GOLIM4: variants seen among roughly 807,000 people sequenced by gnomAD.
The protein encoded by GOLIM4 is golgi integral membrane protein 4.
A neutral mutation model predicts 107.4 loss-of-function variants in GOLIM4; 71 were observed. The observed-to-expected ratio is 0.66, with a 90% confidence interval of 0.55 to 0.81. The LOEUF is 0.81. GOLIM4 is among the 30% of genes least tolerant of loss of function. The pLI is 0.00. For missense variants in GOLIM4, 830 were observed against 826.1 expected, an observed-to-expected ratio of 1.00 and a Z score of -0.06; for synonymous variants, 327 against 294.8, an observed-to-expected ratio of 1.11 and a Z score of -1.12.
At chr3:168,030,362 C>G (rs1348079345) in intron 9 of GOLIM4, among the ~76,000 whole-genome samples, 1 of 152,004 alleles carries the variant, frequency 6.6e-6, no homozygotes, top group Non-Finnish European at 1.5e-5. Context: ...CTGATATAAA[C>G]AAGTAGTTGG....
intron 1 of GOLIM4, among the ~76,000 whole-genome samples, chr3:168,074,734 A>G (rs1161928619): frequency 1.3e-5 from 2 of 152,226 alleles, no homozygotes; most frequent in African/African-American, 4.8e-5. Flanking sequence ...TATAGCTGTC[A>G]TATCTAGTAA....
At chr3:168,066,864 A>G (rs1164471534) in intron 1 of GOLIM4, among the ~76,000 whole-genome samples, 1 of 152,118 alleles carries the variant, frequency 6.6e-6, no homozygotes, top group African/African-American at 2.4e-5. Flanking sequence ...GTGATTTAGT[A>G]TGGTCTTCTT....
At chr3:168,024,483 G>A (rs780228616) in intron 14 of GOLIM4, 43 bp downstream of exon 14, 3 of 1,307,530 alleles carry the variant, frequency 2.3e-6, no homozygotes, top group Non-Finnish European at 3.3e-6. Context: ...TAGTGTGTGT[G>A]ACAGACCAAT....
At chr3:168,073,724 T>C (rs933985259) in intron 1 of GOLIM4, among the ~76,000 whole-genome samples, 2 of 152,212 alleles carry the variant, frequency 1.3e-5, no homozygotes, top group Non-Finnish European at 2.9e-5. Flanking sequence ...TCTGCTTATA[T>C]AGGGTATTTT....
chr3:168,019,050 A>G (rs1331348227), intron 14 of GOLIM4, among the ~76,000 whole-genome samples: 1 of 152,112 alleles, frequency 6.6e-6, no homozygotes, highest in Non-Finnish European at 1.5e-5. Context: ...TTGTGTTCCA[A>G]TAAAACTTTA....
intron 1 of GOLIM4, among the ~76,000 whole-genome samples, chr3:168,089,307 T>C (rs1721780573): frequency 6.6e-6 from 1 of 152,168 alleles, no homozygotes; most frequent in South Asian, 2.1e-4. Flanking sequence ...ATGTTTTAAG[T>C]TCTAACGCTG....
chr3:168,039,406 G>A (rs1021171329), intron 7 of GOLIM4, among the ~76,000 whole-genome samples: 5 of 151,770 alleles, frequency 3.3e-5, no homozygotes, highest in Non-Finnish European at 5.9e-5. Flanking sequence ...TGGGATTACA[G>A]GTGCACACCA....
chr3:168,019,740 G>A (rs1717579891), intron 14 of GOLIM4, among the ~76,000 whole-genome samples: 1 of 152,162 alleles, frequency 6.6e-6, no homozygotes, highest in South Asian at 2.1e-4. Flanking sequence ...GGGTATTTCA[G>A]AGGTGATGGT....
intron 8 of GOLIM4, among the ~76,000 whole-genome samples, chr3:168,033,819 T>C (rs1718486128): frequency 6.6e-6 from 1 of 152,114 alleles, no homozygotes; most frequent in Non-Finnish European, 1.5e-5. Flanking sequence ...GAAATGGCTT[T>C]TTCAGAATAA....
chr3:168,072,904 T>G (rs1016165355), intron 1 of GOLIM4, among the ~76,000 whole-genome samples: 1 of 152,216 alleles, frequency 6.6e-6, no homozygotes, highest in African/African-American at 2.4e-5. Flanking sequence ...GATGATCATA[T>G]GTAATGAAAC....
chr3:168,054,649 T>C (rs1353593762), intron 1 of GOLIM4, among the ~76,000 whole-genome samples: 1 of 151,602 alleles, frequency 6.6e-6, no homozygotes, highest in Non-Finnish European at 1.5e-5. Context: ...TAATTTTTAT[T>C]ACTGTTATAA....
At chr3:168,080,060 A>G (rs1023827973) in intron 1 of GOLIM4, among the ~76,000 whole-genome samples, 2 of 152,182 alleles carry the variant, frequency 1.3e-5, no homozygotes, top group African/African-American at 4.8e-5. Flanking sequence ...CGTAAAAATG[A>G]GGAAAAACTA....
At chr3:168,036,367 C>A (rs539131462) in intron 8 of GOLIM4, among the ~76,000 whole-genome samples, 1 of 152,032 alleles carries the variant, frequency 6.6e-6, no homozygotes, top group Non-Finnish European at 1.5e-5. Flanking sequence ...ATAGCGAAAC[C>A]CTGTCTCTAC....
intron 1 of GOLIM4, among the ~76,000 whole-genome samples, chr3:168,094,159 T>C (rs1363260186): frequency 6.6e-6 from 1 of 152,192 alleles, no homozygotes; most frequent in Non-Finnish European, 1.5e-5. Flanking sequence ...CAAGAGGACA[T>C]GGTGCTGACT....
chr3:168,026,051 T>C (rs1717980128), intron 12 of GOLIM4, among the ~76,000 whole-genome samples: 1 of 152,208 alleles, frequency 6.6e-6, no homozygotes, highest in Admixed American at 6.5e-5. Context: ...ATTTGGTCTC[T>C]ATCAGTATTC....
intron 1 of GOLIM4, among the ~76,000 whole-genome samples, chr3:168,068,840 T>A (rs544684618): frequency 2.6e-4 from 37 of 143,944 alleles, no homozygotes; most frequent in East Asian, 9.7e-4. Context: ...TTATTTTATT[T>A]TTTTTTTTTT....
At position 168,095,426 on chromosome 3, in the gene GOLIM4, G is replaced by A. The variant is rs898544091; in HGVS notation, c.-141C>T. The A allele has an allele frequency of 1.2e-5, 8 of 656,990 alleles. No individual in the cohort carries two copies. Among genetic ancestry groups the A allele is most frequent in the South Asian group, 8.4e-5 (4 of 47,452 alleles). 40.7% of individuals were successfully genotyped at this position (656,990 alleles called of 1,614,324 possible). On this transcript the variant is annotated 5_prime_UTR_variant, in exon 1 of 16. Coordinates refer to ENST00000470487, the MANE Select transcript of GOLIM4 (RefSeq NM_014498.5). ...TGCCAGACACAAAAGCCGGCCCGGAGGGGAAGTGGCGCCCGCTCAGCCCCC... is the reference window on the plus strand; with the variant it reads ...TGCCAGACACAAAAGCCGGCCCGGAAGGGAAGTGGCGCCCGCTCAGCCCCC...
intron 1 of GOLIM4, among the ~76,000 whole-genome samples, chr3:168,050,079 T>A (rs1719530011): frequency 6.6e-6 from 1 of 152,134 alleles, no homozygotes; most frequent in African/African-American, 2.4e-5. Context: ...CCCTGCCCCA[T>A]CCCCTTCCTC....
intron 4 of GOLIM4, 34 bp downstream of exon 4, chr3:168,044,789 CTTTCT>C (rs1166560159): frequency 1.7e-6 from 2 of 1,176,572 alleles, no homozygotes; most frequent in Admixed American, 2.2e-5. Context: ...TTAGTTAATC[CTTTCT>C]TTTATTCATA....
Sources: gnomAD v4.1 joint callset for allele counts (sites outside exome capture counted in the v4.1 genomes callset) on GRCh38, gnomAD v4.1.1 for gene constraint, MANE v1.5 for transcripts, NCBI Gene and HGNC (gene_info 2026-07-23, HGNC 2026-07-21) for gene names.